The following ANKS1B variants were observed in gnomAD, a reference collection of about 807,000 sequenced individuals.
ANKS1B encodes ankyrin repeat and sterile alpha motif domain-containing protein 1B.
ANKS1B carries 36 observed loss-of-function variants against 148.3 expected under a neutral mutation model. The ratio of observed to expected loss-of-function variants is 0.24; its 90% CI spans 0.19 to 0.32. The LOEUF (loss-of-function observed/expected upper bound fraction) is 0.32, where lower values mean the gene tolerates loss of function less well. Ranked by LOEUF, ANKS1B falls within the 10% of genes least tolerant of loss-of-function variation. The pLI is 1.00. For missense variants in ANKS1B, 1,157 were observed against 1,542.6 expected, an observed-to-expected ratio of 0.75 and a Z score of 4.19; for synonymous variants, 542 against 560.8, an observed-to-expected ratio of 0.97 and a Z score of 0.47.
rs1006137584 is a variant in ANKS1B, at chr12:99,385,285, A to G, written c.1756+14346T>C. 3.3e-5 allele frequency among the ~76,000 whole-genome samples: 5 copies of G among 152,154 alleles called. No homozygotes were observed. In the East Asian group the frequency reaches 7.7e-4, roughly 23 times the overall value. ...GGAGTTCGAGACCAGCCTGGCCAAC[A>G]TGGCAAAACCCCATCTCTACTAAAA... On this transcript the variant is annotated intron_variant, in intron 12 of 26. Transcript: ENST00000683438.
At position 99,950,200 on chromosome 12, in the gene ANKS1B, A is replaced by G. The variant is rs538196083; in HGVS notation, c.134+33904T>C. On this transcript the variant is annotated intron_variant, in intron 1 of 26. Transcript: ENST00000683438. ...TGTCTCAAACTCCTGGGCTCAAACA[A>G]TCACCTGCCTAGGCCTCCCAAAGTG... 2.7e-5 allele frequency among the ~76,000 whole-genome samples: 4 copies of G among 149,704 alleles called. No individual in the cohort carries two copies. In the Admixed American group the frequency reaches 2.7e-4, roughly 10 times the overall value.
intron 10 of ANKS1B, among the ~76,000 whole-genome samples, chr12:99,452,714 G>A (rs951886369): frequency 1.3e-5 from 2 of 152,166 alleles, no homozygotes; most frequent in African/African-American, 4.8e-5. Context: ...TAATTTAAGA[G>A]AATTAGTTAA....
intron 9 of ANKS1B, among the ~76,000 whole-genome samples, chr12:98,736,472 C>T (rs997133694): frequency 3.3e-5 from 5 of 152,112 alleles, no homozygotes; most frequent in East Asian, 1.9e-4. Flanking sequence ...GCTTTGCGGA[C>T]GCGGTAAGTT....
chr12:98,789,163 T>A (rs1267535009), intron 22 of ANKS1B, among the ~76,000 whole-genome samples: 2 of 152,064 alleles, frequency 1.3e-5, no homozygotes, highest in Non-Finnish European at 2.9e-5. Context: ...GCCAACATGG[T>A]GAAACCCCGT....
At chr12:99,257,909 C>A (rs2075464506) in intron 12 of ANKS1B, among the ~76,000 whole-genome samples, 1 of 152,160 alleles carries the variant, frequency 6.6e-6, no homozygotes, top group Non-Finnish European at 1.5e-5. Flanking sequence ...CTCAGAACAA[C>A]AACAGCCCTC....
At chr12:98,875,490 G>A (rs201379) in intron 17 of ANKS1B, among the ~76,000 whole-genome samples, 132,740 of 152,148 alleles carry the variant, frequency 0.87, 58,309 homozygotes, top group East Asian at 0.93. Context: ...TCCAGTTCTC[G>A]GCAGCTCTGT....
At chr12:98,848,739 T>G (rs1192100561) in intron 17 of ANKS1B, among the ~76,000 whole-genome samples, 5 of 93,392 alleles carry the variant, frequency 5.4e-5, no homozygotes, top group South Asian at 4.6e-4. Flanking sequence ...TCTGTGTATG[T>G]GTGGTTTTTT....
intron 10 of ANKS1B, among the ~76,000 whole-genome samples, chr12:99,482,136 G>A (rs1306951039): frequency 1.3e-5 from 2 of 151,518 alleles, no homozygotes; most frequent in African/African-American, 2.4e-5. Flanking sequence ...TTTCAACATC[G>A]TCTTCCAGAA....
intron 15 of ANKS1B, among the ~76,000 whole-genome samples, chr12:99,121,078 G>T (rs1455613592): frequency 6.6e-6 from 1 of 151,858 alleles, no homozygotes; most frequent in Non-Finnish European, 1.5e-5. Flanking sequence ...CTATATGCCA[G>T]CCTCCAAAAT....
At chr12:99,781,962 A>C (rs2064377057) in intron 5 of ANKS1B, 60 bp downstream of exon 5, 1 of 1,429,316 alleles carries the variant, frequency 7.0e-7, no homozygotes, top group South Asian at 1.3e-5. Context: ...TCCTTTGTCT[A>C]TTCCCAAAAT....
chr12:98,798,897 T>C (rs770066158), intron 22 of ANKS1B, 37 bp downstream of exon 22: 1 of 1,569,862 alleles, frequency 6.4e-7, no homozygotes, highest in Non-Finnish European at 8.7e-7. Flanking sequence ...TATTTAGTAT[T>C]TCAGCTACTA....
intron 12 of ANKS1B, among the ~76,000 whole-genome samples, chr12:99,333,696 T>C (rs2088043634): frequency 6.6e-6 from 1 of 151,938 alleles, no homozygotes; most frequent in African/African-American, 2.4e-5. Context: ...AATATGTTCC[T>C]AGGAAGGCTT....
intron 17 of ANKS1B, among the ~76,000 whole-genome samples, chr12:98,912,544 T>C (rs1454645474): frequency 1.3e-5 from 2 of 152,200 alleles, no homozygotes; most frequent in African/African-American, 4.8e-5. Context: ...ACGTGTCTTG[T>C]TTACCTGTCT....
At chr12:99,317,709 G>C (rs1195908182) in intron 12 of ANKS1B, among the ~76,000 whole-genome samples, 5 of 152,192 alleles carry the variant, frequency 3.3e-5, no homozygotes, top group Non-Finnish European at 7.3e-5. Context: ...ATGTTGAATA[G>C]GAGTGGTGAG....
intron 8 of ANKS1B, among the ~76,000 whole-genome samples, chr12:99,662,004 A>G (rs1039137167): frequency 1.3e-5 from 2 of 152,222 alleles, no homozygotes; most frequent in East Asian, 3.9e-4. Context: ...CAATGGAACA[A>G]CAAAATAGAA....
intron 15 of ANKS1B, among the ~76,000 whole-genome samples, chr12:99,115,748 T>C (rs1445991475): frequency 1.3e-5 from 2 of 152,014 alleles, no homozygotes; most frequent in East Asian, 3.9e-4. Flanking sequence ...CTGACTAACA[T>C]GGTGAAACTC....
At chr12:98,893,120 C>G (rs1305679518) in intron 17 of ANKS1B, among the ~76,000 whole-genome samples, 1 of 152,182 alleles carries the variant, frequency 6.6e-6, no homozygotes, top group Non-Finnish European at 1.5e-5. Context: ...CATCAAGTCT[C>G]CCAGGCAGCA....
intron 17 of ANKS1B, among the ~76,000 whole-genome samples, chr12:98,985,480 A>G (rs2153233772): frequency 6.6e-6 from 1 of 151,456 alleles, no homozygotes; most frequent in South Asian, 2.1e-4. Flanking sequence ...AAGTATTTTT[A>G]TGATTACATT....
chr12:99,934,286 A>G (rs1159853229), intron 1 of ANKS1B, among the ~76,000 whole-genome samples: 1 of 152,166 alleles, frequency 6.6e-6, no homozygotes, highest in Non-Finnish European at 1.5e-5. Flanking sequence ...CTGACCTTGC[A>G]GAATGAACCT....
Sources: gnomAD v4.1 joint callset for allele counts (sites outside exome capture counted in the v4.1 genomes callset) on GRCh38, gnomAD v4.1.1 for gene constraint, MANE v1.5 for transcripts, NCBI Gene and HGNC (gene_info 2026-07-23, HGNC 2026-07-21) for gene names.